The following COG5 variants were observed in gnomAD, a reference collection of about 807,000 sequenced individuals.
COG5 encodes conserved oligomeric Golgi complex subunit 5.
A neutral mutation model predicts 110.4 loss-of-function variants in COG5; 86 were observed. The ratio of observed to expected loss-of-function variants is 0.78; its 90% CI spans 0.65 to 0.93. The LOEUF is 0.93. Among genes scored for constraint, COG5 ranks in the 40% least tolerant of loss-of-function variants. The pLI is 0.00. For missense variants in COG5, 1,077 were observed against 987.0 expected (o/e 1.09, Z -1.22); for synonymous variants, 360 against 334.6 (o/e 1.08, Z -0.83).
intron 7 of COG5, among the ~76,000 whole-genome samples, chr7:107,409,795 G>A (rs1324725048): frequency 1.3e-5 from 2 of 152,164 alleles, no homozygotes; most frequent in African/African-American, 4.8e-5. Flanking sequence ...TCAAAAACAT[G>A]CATGCCTTGT....
At chr7:107,475,513 A>G (rs1584872412) in intron 6 of COG5, 2 of 514,582 alleles carry the variant, frequency 3.9e-6, no homozygotes, top group Non-Finnish European at 3.5e-6. Flanking sequence ...TAGGTCATAT[A>G]TATTCAATTT....
chr7:107,413,039 T>C lies in COG5; in HGVS notation c.539-407A>G, dbSNP rs1056942371. On this transcript the variant is annotated intron_variant, in intron 6 of 21. Transcript: ENST00000297135. ...TTTTAAGAGATGGGGGAAGTCTCAA[T>C]ACACTGCTCAGGCTGGAGTGTAGTG... Among the ~76,000 whole-genome samples the C allele has an allele frequency of 5.4e-4, 82 of 152,000 alleles. 1 individual carries two copies. The Middle Eastern group carries it at 0.01, about 19-fold the overall frequency.
chr7:107,311,695 A>AT (rs1808284717), intron 11 of COG5, among the ~76,000 whole-genome samples: 1 of 151,752 alleles, frequency 6.6e-6, no homozygotes, highest in Admixed American at 6.6e-5. Flanking sequence ...GCCCGGCCAC[A>AT]TTTTTTTCCC....
intron 11 of COG5, among the ~76,000 whole-genome samples, chr7:107,321,758 A>G (rs966447236): frequency 6.6e-6 from 1 of 152,234 alleles, no homozygotes; most frequent in African/African-American, 2.4e-5. Context: ...CAAACCTAGT[A>G]AAACTTCTAA....
At chr7:107,456,874 G>A (rs1197871578) in intron 6 of COG5, among the ~76,000 whole-genome samples, 2 of 152,174 alleles carry the variant, frequency 1.3e-5, no homozygotes, top group Non-Finnish European at 2.9e-5. Context: ...GAAGGAGTAT[G>A]CCTTAACAGT....
chr7:107,419,115 T>A (rs1024072299), intron 6 of COG5, among the ~76,000 whole-genome samples: 14 of 152,172 alleles, frequency 9.2e-5, no homozygotes, highest in Non-Finnish European at 1.9e-4. Context: ...ATTTTTCACA[T>A]ACAGTTGCAG....
At chr7:107,337,510 T>C (rs1441853578) in intron 10 of COG5, among the ~76,000 whole-genome samples, 1 of 152,138 alleles carries the variant, frequency 6.6e-6, no homozygotes, top group Non-Finnish European at 1.5e-5. Flanking sequence ...GAACTGCAAG[T>C]CATTAAGTGA....
intron 7 of COG5, among the ~76,000 whole-genome samples, chr7:107,376,249 G>A (rs755039566): frequency 3.4e-4 from 51 of 151,884 alleles, no homozygotes; most frequent in Non-Finnish European, 6.2e-4. Flanking sequence ...ATTTGGTATA[G>A]GCTCTTCTTG....
intron 14 of COG5, among the ~76,000 whole-genome samples, chr7:107,275,315 C>T (rs1017920869): frequency 3.3e-5 from 5 of 150,946 alleles, no homozygotes; most frequent in Admixed American, 3.3e-4. Context: ...GATCAAGAGG[C>T]TAGCTAGGTA....
intron 19 of COG5, among the ~76,000 whole-genome samples, chr7:107,225,205 T>C (rs1253229914): frequency 6.6e-6 from 1 of 152,246 alleles, no homozygotes; most frequent in Non-Finnish European, 1.5e-5. Flanking sequence ...CTGTGGCTAT[T>C]GCAACCTACT....
intron 6 of COG5, among the ~76,000 whole-genome samples, chr7:107,505,813 T>A (rs1056044393): frequency 6.6e-6 from 1 of 152,180 alleles, no homozygotes; most frequent in African/African-American, 2.4e-5. Flanking sequence ...GAAACAGGTG[T>A]CCCTAAGGGC....
At chr7:107,480,391 T>C (rs1395928373) in intron 6 of COG5, among the ~76,000 whole-genome samples, 1 of 152,152 alleles carries the variant, frequency 6.6e-6, no homozygotes, top group Non-Finnish European at 1.5e-5. Flanking sequence ...TATGTACTCA[T>C]GAATGTAAGC....
chr7:107,299,439 C>T (rs1247476793), intron 11 of COG5, among the ~76,000 whole-genome samples: 1 of 152,010 alleles, frequency 6.6e-6, no homozygotes, highest in East Asian at 1.9e-4. Flanking sequence ...TCATGAAATA[C>T]ACAATTTCCT....
chr7:107,352,697 A>G (rs2129042199), intron 10 of COG5, among the ~76,000 whole-genome samples: 1 of 152,132 alleles, frequency 6.6e-6, no homozygotes, highest in Non-Finnish European at 1.5e-5. Flanking sequence ...TATGTCTAAA[A>G]GGGTAAAAGA....
At chr7:107,205,449 A>G (rs143419807) in intron 21 of COG5, among the ~76,000 whole-genome samples, 148 of 152,314 alleles carry the variant, frequency 9.7e-4, no homozygotes, top group African/African-American at 3.4e-3. Flanking sequence ...AGTAATGTGC[A>G]AAGCATATTT....
At chr7:107,348,911 G>C (rs1271898886) in intron 10 of COG5, among the ~76,000 whole-genome samples, 1 of 151,666 alleles carries the variant, frequency 6.6e-6, no homozygotes, top group South Asian at 2.1e-4. Flanking sequence ...GCCCAAGCTG[G>C]AGTGCTGTGA....
At chr7:107,357,766 T>C (rs972145546) in intron 10 of COG5, among the ~76,000 whole-genome samples, 3 of 152,146 alleles carry the variant, frequency 2.0e-5, no homozygotes, top group African/African-American at 4.8e-5. Context: ...ACTCCTAGGC[T>C]CAAGCAATCC....
intron 10 of COG5, among the ~76,000 whole-genome samples, chr7:107,329,948 T>C (rs1420643819): frequency 1.3e-5 from 2 of 152,212 alleles, no homozygotes; most frequent in Non-Finnish European, 2.9e-5. Flanking sequence ...TAAATATAAT[T>C]TCCTGCATAA....
intron 6 of COG5, among the ~76,000 whole-genome samples, chr7:107,522,775 T>G (rs1261950745): frequency 6.6e-6 from 1 of 152,214 alleles, no homozygotes; most frequent in Non-Finnish European, 1.5e-5. Context: ...CATATTGAGA[T>G]CCAATTGTTC....
Sources: gnomAD v4.1 joint callset for allele counts (sites outside exome capture counted in the v4.1 genomes callset) on GRCh38, gnomAD v4.1.1 for gene constraint, MANE v1.5 for transcripts, NCBI Gene and HGNC (gene_info 2026-07-23, HGNC 2026-07-21) for gene names.